Variants in SFT2D3 observed in about 807,000 individuals in gnomAD.
SFT2D3 encodes vesicle transport protein SFT2C.
For missense variants in SFT2D3, 405 were observed against 334.6 expected, an observed-to-expected ratio of 1.21 and a Z score of -1.64; for synonymous variants, 239 against 191.2, an observed-to-expected ratio of 1.25 and a Z score of -2.06.
In SFT2D3 at chr2:127,705,208, A is replaced by G. The variant is rs533357571; in HGVS notation, c.*3032A>G. Reference sequence around the variant, plus strand: ...GACAGTCCTTTTAATAAAAGCTTCCATGTAAAACCAAAATAAAGGTCAGTA... The same window carrying G: ...GACAGTCCTTTTAATAAAAGCTTCCGTGTAAAACCAAAATAAAGGTCAGTA... On this transcript the variant is annotated 3_prime_UTR_variant, in exon 1 of 1. Coordinates refer to ENST00000310981, the MANE Select transcript of SFT2D3 (RefSeq NM_032740.4). The surrounding 1 kb of genome is among the most constrained non-coding windows in gnomAD (Gnocchi z 4.5). The G allele has an allele frequency of 2.5e-4, 42 of 167,282 alleles. No homozygotes were observed. Among genetic ancestry groups the G allele is most frequent in the African/African-American group, 8.9e-4 (37 of 41,602 alleles). 10.4% of individuals were successfully genotyped at this position (167,282 alleles called of 1,614,324 possible). A position where few individuals can be genotyped will look rare whatever the true frequency, so the allele number is the denominator to read the frequency against.
In SFT2D3 at chr2:127,704,939, C is replaced by A. The variant is rs74466242; in HGVS notation, c.*2763C>A. On this transcript the variant is annotated 3_prime_UTR_variant, in exon 1 of 1. Transcript: ENST00000310981. The stretch of plus-strand genomic sequence containing the variant: ...TCCATCTCTACAAAAAACACACACA[C>A]AAAAAATTAGCTGGGCATGGTGGCA... The A allele has an allele frequency of 0.061, 9,552 of 157,600 alleles. 583 individuals carry two copies. The highest frequency in any genetic ancestry group is 0.16 in the African/African-American group (6,650 of 41,438). The allele number at this position is 157,600 out of a possible 1,614,324, so 9.8% of individuals were successfully genotyped here.
At position 127,702,735 on chromosome 2, in the gene SFT2D3, C is replaced by A. The variant is rs933816608; in HGVS notation, c.*559C>A. 1 of 167,136 alleles carries A rather than the reference C, an allele frequency of 6.0e-6. No homozygotes were observed. The highest frequency in any genetic ancestry group is 2.4e-5 in the African/African-American group (1 of 41,536). The allele number at this position is 167,136 out of a possible 1,614,324, so 10.4% of individuals were successfully genotyped here. On this transcript the variant is annotated 3_prime_UTR_variant, in exon 1 of 1. Transcript: ENST00000310981. ...GATGGTTTATCTCGGGTTTTTTCTTCAGTTAACAAAATCATAAATATGGTG... is the reference window on the plus strand; with the variant it reads ...GATGGTTTATCTCGGGTTTTTTCTTAAGTTAACAAAATCATAAATATGGTG...
At position 127,702,110 on chromosome 2, in the gene SFT2D3, C is replaced by T; in HGVS notation, c.582C>T (p.Thr194=). 1 of 1,216,404 alleles carries T rather than the reference C, an allele frequency of 8.2e-7. No homozygotes were observed. Among genetic ancestry groups the T allele is most frequent in the Non-Finnish European group, 1.0e-6 (1 of 980,044 alleles). The allele number at this position is 1,216,404 out of a possible 1,614,324, so 75.4% of individuals were successfully genotyped here. A position where few individuals can be genotyped will look rare whatever the true frequency, so the allele number is the denominator to read the frequency against. The change falls in exon 1 of 1, where the codon ACC becomes ACT. Residue 194 remains threonine, a synonymous_variant. Coordinates refer to ENST00000310981, the MANE Select transcript of SFT2D3 (RefSeq NM_032740.4). ...GGCTGCTGCCCTGGGGCGGCGGCACCGCGCTGCGCCTCGCACTGGGTCGCC... is the reference window on the plus strand; with the variant it reads ...GGCTGCTGCCCTGGGGCGGCGGCACTGCGCTGCGCCTCGCACTGGGTCGCC... ...LVGLLPWGGG[T]ALRLALGRLG...
In SFT2D3 at chr2:127,702,255, AC is replaced by A. The variant is rs755620471; in HGVS notation, c.*80del. ...CCGCGCCGGCCGAGCTGAGGACTGC[AC>A]GCCGCTGTGCGGAAGCCCGTGGCGA... is the stretch of plus-strand genomic sequence containing the variant. On this transcript the variant is annotated 3_prime_UTR_variant, in exon 1 of 1. Transcript: ENST00000310981. The A allele has an allele frequency of 1.8e-4, 209 of 1,155,032 alleles. No homozygotes were observed. Among genetic ancestry groups the A allele is most frequent in the Non-Finnish European group, 2.1e-4 (195 of 926,784 alleles). 71.5% of individuals were successfully genotyped at this position (1,155,032 alleles called of 1,614,324 possible). A position where few individuals can be genotyped will look rare whatever the true frequency, so the allele number is the denominator to read the frequency against.
rs938573181 is a variant in SFT2D3 at position 127,704,749 on chromosome 2, T to C, written c.*2573T>C. 1 of 167,110 alleles carries C rather than the reference T, an allele frequency of 6.0e-6. No individual in the cohort carries two copies. The highest frequency in any genetic ancestry group is 2.4e-5 in the African/African-American group (1 of 41,460). The allele number at this position is 167,110 out of a possible 1,614,324, so 10.4% of individuals were successfully genotyped here. Reference sequence around the variant, plus strand: ...GAGAACCAGTTAAATTTTCATATCCTGTTAAACTATATCAGTATGCCTTTT... The same window carrying C: ...GAGAACCAGTTAAATTTTCATATCCCGTTAAACTATATCAGTATGCCTTTT... On this transcript the variant is annotated 3_prime_UTR_variant, in exon 1 of 1. Coordinates refer to ENST00000310981, the MANE Select transcript of SFT2D3 (RefSeq NM_032740.4).
Position 127,704,289 on chromosome 2 carries a change from T to TGTCAA in SFT2D3, c.*2117_*2121dup, listed in dbSNP as rs1685961582. On this transcript the variant is annotated 3_prime_UTR_variant, in exon 1 of 1. Coordinates refer to ENST00000310981, the MANE Select transcript of SFT2D3 (RefSeq NM_032740.4). The stretch of plus-strand genomic sequence containing the variant: ...ATGAATTCACTCTCAAAATGTGATC[T>TGTCAA]GTCAAGTCCAGTAGAGCTTCAAGGT... 1.2e-5 allele frequency: 2 copies of TGTCAA among 166,930 alleles called. No individual in the cohort carries two copies. Among genetic ancestry groups the TGTCAA allele is most frequent in the South Asian group, 4.1e-4 (2 of 4,826 alleles). 10.3% of individuals were successfully genotyped at this position (166,930 alleles called of 1,614,324 possible).
In SFT2D3 at chr2:127,703,421, C is replaced by T. The variant is rs992626151; in HGVS notation, c.*1245C>T. On this transcript the variant is annotated 3_prime_UTR_variant, in exon 1 of 1. Transcript: ENST00000310981. ...GAGCTGGATCCCAGTGTTGCCTTAA[C>T]AGGGTGTCTGTCGTGCCGCAGTAGA... The T allele has an allele frequency of 3.0e-5, 5 of 167,096 alleles. No individual in the cohort carries two copies. The highest frequency in any genetic ancestry group is 7.3e-5 in the Non-Finnish European group (5 of 68,128). 10.4% of individuals were successfully genotyped at this position (167,096 alleles called of 1,614,324 possible). A position where few individuals can be genotyped will look rare whatever the true frequency, so the allele number is the denominator to read the frequency against.
Position 127,701,686 on chromosome 2 carries a change from G to C in SFT2D3, c.158G>C (p.Trp53Ser), listed in dbSNP as rs1327233944. The change falls in exon 1 of 1, where the codon TGG becomes TCG. Residue 53 changes from tryptophan to serine, a missense_variant. Trp to Ser is a radical substitution (Grantham distance 177). Transcript: ENST00000310981. ...GGCCGCGCGGGCTTGCGCTGGACGT[G>C]GGCGCGGAGCCCTGCGGAGTCGGCA... ...WLGRAGLRWT[W>S]ARSPAESAAA... The C allele has an allele frequency of 1.5e-6, 2 of 1,299,376 alleles. No homozygotes were observed. The highest frequency in any genetic ancestry group is 3.1e-5 in the African/African-American group (2 of 64,288). The allele number at this position is 1,299,376 out of a possible 1,614,324, so 80.5% of individuals were successfully genotyped here. A position where few individuals can be genotyped will look rare whatever the true frequency, so the allele number is the denominator to read the frequency against.
Position 127,702,066 on chromosome 2 carries a change from C to G in SFT2D3, c.538C>G (p.Leu180Val). The change falls in exon 1 of 1, where the codon CTG (leucine) becomes GTG (valine). Residue 180 changes from leucine (L) to valine (V), a missense_variant. Transcript: ENST00000310981. Reference protein sequence around the residue: ...VLGAGAQVAALLAALVGLLPW... With the variant: ...VLGAGAQVAAVLAALVGLLPW... ...GGGCGCGGGCGCGCAGGTGGCCGCG[C>G]TGCTGGCCGCGCTGGTTGGGCTGCT... 8.3e-7 allele frequency: 1 copy of G among 1,209,598 alleles called. No homozygotes were observed. The allele number at this position is 1,209,598 out of a possible 1,614,324, so 74.9% of individuals were successfully genotyped here. A position where few individuals can be genotyped will look rare whatever the true frequency, so the allele number is the denominator to read the frequency against.
rs748029693 is a variant in SFT2D3, at chr2:127,701,768, C to CGGCGGGT, written c.242_248dup (p.Cys83TrpfsTer160). ...CGCGCGGGCAGCGGCTGGCGGCGGG[C>CGGCGGGT]GGCGGGTGCCTGCTGCTGGCTGCAC... On this transcript the variant is annotated frameshift_variant, in exon 1 of 1. Transcript: ENST00000310981. LOFTEE classifies it low-confidence loss of function (END_TRUNC). 12 of 1,425,994 alleles carry CGGCGGGT rather than the reference C, an allele frequency of 8.4e-6. No homozygotes were observed. Among genetic ancestry groups the CGGCGGGT allele is most frequent in the Non-Finnish European group, 1.1e-5 (12 of 1,089,802 alleles). The allele number at this position is 1,425,994 out of a possible 1,614,324, so 88.3% of individuals were successfully genotyped here.
In SFT2D3 at chr2:127,703,757, T is replaced by C. The variant is rs1205121473; in HGVS notation, c.*1581T>C. On this transcript the variant is annotated 3_prime_UTR_variant, in exon 1 of 1. Transcript: ENST00000310981. Reference sequence around the variant, plus strand: ...TTTCTGTTCTAGTTTTAAATTTCTCTAGAACTTGCAATAGTTGGGGGTTTT... The same window carrying C: ...TTTCTGTTCTAGTTTTAAATTTCTCCAGAACTTGCAATAGTTGGGGGTTTT... 2 of 167,246 alleles carry C rather than the reference T, an allele frequency of 1.2e-5. No homozygotes were observed. The highest frequency in any genetic ancestry group is 1.9e-4 in the East Asian group (1 of 5,200). The allele number at this position is 167,246 out of a possible 1,614,324, so 10.4% of individuals were successfully genotyped here.
At position 127,701,591 on chromosome 2, in the gene SFT2D3, GGCCGCGGA is replaced by G. The variant is rs1170024065; in HGVS notation, c.69_76del (p.Glu24AlafsTer214). 1.5e-5 allele frequency: 21 copies of G among 1,358,406 alleles called. No homozygotes were observed. Among genetic ancestry groups the G allele is most frequent in the Non-Finnish European group, 1.5e-5 (16 of 1,055,646 alleles). The allele number at this position is 1,358,406 out of a possible 1,614,324, so 84.1% of individuals were successfully genotyped here. A position where few individuals can be genotyped will look rare whatever the true frequency, so the allele number is the denominator to read the frequency against. Reference sequence around the variant, plus strand: ...CGCAGGGGAAAGCTGGCGGCCCGGCGGCCGCGGAGCCGCTGCTCGCCGCGGAGAAGGCG... The same window carrying G: ...CGCAGGGGAAAGCTGGCGGCCCGGCGGCCGCTGCTCGCCGCGGAGAAGGCG... On this transcript the variant is annotated frameshift_variant, in exon 1 of 1. Coordinates refer to ENST00000310981, the MANE Select transcript of SFT2D3 (RefSeq NM_032740.4). LOFTEE classifies it low-confidence loss of function (END_TRUNC).
Position 127,702,765 on chromosome 2 carries a change from A to G in SFT2D3, c.*589A>G, listed in dbSNP as rs889235661. The G allele has an allele frequency of 2.4e-5, 4 of 167,130 alleles. No homozygotes were observed. The highest frequency in any genetic ancestry group is 1.5e-5 in the Non-Finnish European group (1 of 68,124). 10.4% of individuals were successfully genotyped at this position (167,130 alleles called of 1,614,324 possible). ...AACAAAATCATAAATATGGTGCCTT[A>G]TAACATGAAAGGAAAATTAGTTGTG... On this transcript the variant is annotated 3_prime_UTR_variant, in exon 1 of 1. Transcript: ENST00000310981.
rs1383664029 is a variant in SFT2D3, at chr2:127,704,457, A to C, written c.*2281A>C. 1 of 167,038 alleles carries C rather than the reference A, an allele frequency of 6.0e-6. No homozygotes were observed. Among genetic ancestry groups the C allele is most frequent in the Non-Finnish European group, 1.5e-5 (1 of 68,114 alleles). 10.3% of individuals were successfully genotyped at this position (167,038 alleles called of 1,614,324 possible). On this transcript the variant is annotated 3_prime_UTR_variant, in exon 1 of 1. Transcript: ENST00000310981. Reference sequence around the variant, plus strand: ...ATCTTGATATGGGTTTGGTCTCTGGATCCGGTTTTAGCTTCATGAAATTTG... The same window carrying C: ...ATCTTGATATGGGTTTGGTCTCTGGCTCCGGTTTTAGCTTCATGAAATTTG...
At position 127,703,949 on chromosome 2, in the gene SFT2D3, C is replaced by T. The variant is rs1384769248; in HGVS notation, c.*1773C>T. ...CCTGGGCAACACAGTTAAACCCCAT[C>T]GCCACAGAAAATCTTCAAAAAATTT... On this transcript the variant is annotated 3_prime_UTR_variant, in exon 1 of 1. Coordinates refer to ENST00000310981, the MANE Select transcript of SFT2D3 (RefSeq NM_032740.4). 6.0e-6 allele frequency: 1 copy of T among 166,768 alleles called. No homozygotes were observed. Among genetic ancestry groups the T allele is most frequent in the African/African-American group, 2.4e-5 (1 of 41,380 alleles). The allele number at this position is 166,768 out of a possible 1,614,324, so 10.3% of individuals were successfully genotyped here. A position where few individuals can be genotyped will look rare whatever the true frequency, so the allele number is the denominator to read the frequency against.
Position 127,701,801 on chromosome 2 carries a change from C to G in SFT2D3, c.273C>G (p.Phe91Leu), listed in dbSNP as rs1427461615. 1 of 1,454,250 alleles carries G rather than the reference C, an allele frequency of 6.9e-7. No individual in the cohort carries two copies. The highest frequency in any genetic ancestry group is 9.0e-7 in the Non-Finnish European group (1 of 1,107,042). 90.1% of individuals were successfully genotyped at this position (1,454,250 alleles called of 1,614,324 possible). ...GGCLLLAALC[F>L]GLAALYAPVL... Reference sequence around the variant, plus strand: ...GCCTGCTGCTGGCTGCACTGTGTTTCGGCCTAGCCGCGCTCTACGCACCGG... The same window carrying G: ...GCCTGCTGCTGGCTGCACTGTGTTTGGGCCTAGCCGCGCTCTACGCACCGG... Residue 91 changes from phenylalanine to leucine, a missense_variant, in exon 1 of 1, where the codon TTC becomes TTG. Coordinates refer to ENST00000310981, the MANE Select transcript of SFT2D3 (RefSeq NM_032740.4).
chr2:127,702,590 C>T lies in SFT2D3; in HGVS notation c.*414C>T, dbSNP rs1302317206. The T allele has an allele frequency of 6.0e-6, 1 of 167,872 alleles. No individual in the cohort carries two copies. Among genetic ancestry groups the T allele is most frequent in the African/African-American group, 2.4e-5 (1 of 41,482 alleles). 10.4% of individuals were successfully genotyped at this position (167,872 alleles called of 1,614,324 possible). On this transcript the variant is annotated 3_prime_UTR_variant, in exon 1 of 1. Coordinates refer to ENST00000310981, the MANE Select transcript of SFT2D3 (RefSeq NM_032740.4). Reference sequence around the variant, plus strand: ...TCCAGTGGTAGATGTAGCTTAGCGACGGTAGTTTTTTGTTTTGGCTATACT... The same window carrying T: ...TCCAGTGGTAGATGTAGCTTAGCGATGGTAGTTTTTTGTTTTGGCTATACT...
At position 127,701,620 on chromosome 2, in the gene SFT2D3, AGGCGGAGGAGCCCGGGGACCGGCC is replaced by A. The variant is rs1685881744; in HGVS notation, c.103_126del (p.Pro35_Glu42del). On this transcript the variant is annotated inframe_deletion, in exon 1 of 1. Transcript: ENST00000310981. ...GCGGAGCCGCTGCTCGCCGCGGAGA[AGGCGGAGGAGCCCGGGGACCGGCC>A]GGCGGAGGAGTGGCTGGGCCGCGCG... 1 of 1,334,176 alleles carries A rather than the reference AGGCGGAGGAGCCCGGGGACCGGCC, an allele frequency of 7.5e-7. No individual in the cohort carries two copies. Among genetic ancestry groups the A allele is most frequent in the Non-Finnish European group, 9.6e-7 (1 of 1,044,758 alleles). 82.6% of individuals were successfully genotyped at this position (1,334,176 alleles called of 1,614,324 possible).
In SFT2D3 at chr2:127,701,503, T is replaced by C; in HGVS notation, c.-26T>C. Reference sequence around the variant, plus strand: ...AGGGCCGGAAGTGAGCCGCAGCTTTTCCTTTCTGCCACCGCCTTGTCCAAG... The same window carrying C: ...AGGGCCGGAAGTGAGCCGCAGCTTTCCCTTTCTGCCACCGCCTTGTCCAAG... On this transcript the variant is annotated 5_prime_UTR_variant, in exon 1 of 1. Coordinates refer to ENST00000310981, the MANE Select transcript of SFT2D3 (RefSeq NM_032740.4). 4 of 1,282,544 alleles carry C rather than the reference T, an allele frequency of 3.1e-6. No homozygotes were observed. The highest frequency in any genetic ancestry group is 6.1e-5 in the East Asian group (2 of 32,548). 79.4% of individuals were successfully genotyped at this position (1,282,544 alleles called of 1,614,324 possible). A position where few individuals can be genotyped will look rare whatever the true frequency, so the allele number is the denominator to read the frequency against.
Sources: gnomAD v4.1 joint callset for allele counts on GRCh38, gnomAD v4.1.1 for gene constraint, Gnocchi (gnomAD v3.1) non-coding constraint, MANE v1.5 for transcripts, NCBI Gene and HGNC (gene_info 2026-07-23, HGNC 2026-07-21) for gene names.